Variants in RANBP17 observed in about 807,000 individuals in gnomAD.
The protein encoded by RANBP17 is RAN binding protein 17.
RANBP17 carries 158 observed loss-of-function variants against 141.2 expected under a neutral mutation model. That is an observed-to-expected ratio of 1.12 (90% CI 0.98 to 1.28). The LOEUF is 1.28. Among genes scored for constraint, RANBP17 ranks in the 50% most tolerant of loss-of-function variants. RANBP17 has a pLI of 0.00. For missense variants in RANBP17, 1,438 were observed against 1,290.7 expected (o/e 1.11, Z -1.75); for synonymous variants, 430 against 450.0 (o/e 0.96, Z 0.56).
intron 24 of RANBP17, among the ~76,000 whole-genome samples, chr5:171,262,164 A>G (rs945778371): frequency 5.9e-5 from 9 of 152,200 alleles, no homozygotes; most frequent in Non-Finnish European, 1.3e-4. Context: ...TATATGATTG[A>G]TAGCATATTG....
intron 5 of RANBP17, among the ~76,000 whole-genome samples, chr5:170,905,485 A>G (rs918957376): frequency 3.9e-5 from 6 of 152,264 alleles, no homozygotes; most frequent in East Asian, 1.9e-4. Flanking sequence ...CTTGTGTTCA[A>G]TCAGGAATTA....
chr5:171,010,076 G>A (rs1175769484), intron 14 of RANBP17, among the ~76,000 whole-genome samples: 1 of 152,168 alleles, frequency 6.6e-6, no homozygotes, highest in Non-Finnish European at 1.5e-5. Flanking sequence ...CAGAAAGGAA[G>A]GAGCCACAAA....
At chr5:171,009,534 G>A (rs967015881) in intron 14 of RANBP17, among the ~76,000 whole-genome samples, 1 of 152,106 alleles carries the variant, frequency 6.6e-6, no homozygotes, top group Non-Finnish European at 1.5e-5. Context: ...AAAGTGATTT[G>A]TAAATCCCCT....
At chr5:171,179,228 C>T (rs1760723895) in intron 16 of RANBP17, among the ~76,000 whole-genome samples, 1 of 152,074 alleles carries the variant, frequency 6.6e-6, no homozygotes, top group South Asian at 2.1e-4. Context: ...CAGAAATGGC[C>T]AGGTATCATA....
intron 12 of RANBP17, among the ~76,000 whole-genome samples, chr5:170,943,165 G>A (rs1172085238): frequency 6.6e-6 from 1 of 152,134 alleles, no homozygotes; most frequent in African/African-American, 2.4e-5. Context: ...CATGGCCCTA[G>A]TTTGTATACA....
chr5:171,234,004 C>T (rs1267053417), intron 22 of RANBP17, among the ~76,000 whole-genome samples: 1 of 151,352 alleles, frequency 6.6e-6, no homozygotes, highest in African/African-American at 2.4e-5. Context: ...GTATGGTAAT[C>T]GCTGTACCTC....
intron 25 of RANBP17, among the ~76,000 whole-genome samples, chr5:171,267,420 T>C (rs762095220): frequency 2.6e-5 from 4 of 152,174 alleles, no homozygotes; most frequent in Non-Finnish European, 5.9e-5. Context: ...TTTTGCCAAA[T>C]TACATCCATA....
chr5:170,979,046 G>A (rs1777584281), intron 14 of RANBP17, among the ~76,000 whole-genome samples: 2 of 151,946 alleles, frequency 1.3e-5, no homozygotes, highest in Non-Finnish European at 2.9e-5. Context: ...AATATGGTAT[G>A]AAAAAAAGTC....
chr5:171,217,298 T>C (rs1375430440), intron 21 of RANBP17, among the ~76,000 whole-genome samples: 1 of 152,212 alleles, frequency 6.6e-6, no homozygotes, highest in African/African-American at 2.4e-5. Context: ...AATGTGCTGC[T>C]GGATTCTGTT....
chr5:171,167,749 A>G (rs1759804220), intron 14 of RANBP17, among the ~76,000 whole-genome samples: 2 of 152,178 alleles, frequency 1.3e-5, no homozygotes, highest in African/African-American at 4.8e-5. Flanking sequence ...AGGGTGTCTG[A>G]TCCCTACTGT....
chr5:171,111,993 GATGGGTA>G (rs1755265219), intron 14 of RANBP17, among the ~76,000 whole-genome samples: 1 of 152,146 alleles, frequency 6.6e-6, no homozygotes, highest in South Asian at 2.1e-4. Flanking sequence ...AATTACAGGT[GATGGGTA>G]ATGTTTTTAT....
chr5:171,055,063 G>A (rs933927371), intron 14 of RANBP17, among the ~76,000 whole-genome samples: 1 of 152,110 alleles, frequency 6.6e-6, no homozygotes, highest in East Asian at 1.9e-4. Flanking sequence ...TACACAAAGA[G>A]TACAATATCA....
intron 5 of RANBP17, chr5:170,896,890 G>A (rs1392686270): frequency 8.6e-6 from 5 of 578,092 alleles, no homozygotes; most frequent in Non-Finnish European, 9.6e-6. Flanking sequence ...GCAGAGGCCG[G>A]CGCGGCTCAC....
intron 9 of RANBP17, among the ~76,000 whole-genome samples, chr5:170,917,355 T>C (rs568216705): frequency 6.6e-6 from 1 of 152,310 alleles, no homozygotes; most frequent in South Asian, 2.1e-4. Context: ...GCATTAACTT[T>C]AGAGCTTCAT....
chr5:170,894,694 G>T (rs1769963789), intron 4 of RANBP17, among the ~76,000 whole-genome samples: 1 of 151,540 alleles, frequency 6.6e-6, no homozygotes, highest in Non-Finnish European at 1.5e-5. Flanking sequence ...CTATTATTAT[G>T]GCCCTCTTGC....
chr5:171,019,499 G>A (rs1257579009), intron 14 of RANBP17, among the ~76,000 whole-genome samples: 1 of 152,104 alleles, frequency 6.6e-6, no homozygotes, highest in African/African-American at 2.4e-5. Flanking sequence ...GGGTGTATGT[G>A]TCCAGGAATT....
chr5:171,055,351 C>T (rs1328871245), intron 14 of RANBP17, among the ~76,000 whole-genome samples: 3 of 152,158 alleles, frequency 2.0e-5, no homozygotes, highest in Admixed American at 2.0e-4. Context: ...CTAGCATGTA[C>T]TAACAGGTGT....
At chr5:171,063,642 C>T (rs567501579) in intron 14 of RANBP17, among the ~76,000 whole-genome samples, 5 of 152,332 alleles carry the variant, frequency 3.3e-5, no homozygotes, top group African/African-American at 4.8e-5. Context: ...GCAGTCTGCC[C>T]GTTCTCAGAT....
chr5:170,869,964 T>A (rs555130457), intron 1 of RANBP17, among the ~76,000 whole-genome samples: 13 of 152,286 alleles, frequency 8.5e-5, no homozygotes, highest in African/African-American at 3.1e-4. Flanking sequence ...CTAGTCTCAT[T>A]TTTGCTGCCT....
Sources: gnomAD v4.1 joint callset for allele counts (sites outside exome capture counted in the v4.1 genomes callset) on GRCh38, gnomAD v4.1.1 for gene constraint, MANE v1.5 for transcripts, NCBI Gene and HGNC (gene_info 2026-07-23, HGNC 2026-07-21) for gene names.